The following EXOC6 variants were observed in gnomAD, a reference collection of about 807,000 sequenced individuals.
EXOC6 encodes exocyst complex component 6.
In EXOC6, 60 loss-of-function variants were observed where a neutral mutation model predicts 112.5. The ratio of observed to expected loss-of-function variants is 0.53; its 90% CI spans 0.43 to 0.66. The LOEUF is 0.66. EXOC6 is among the 30% of genes least tolerant of loss of function. EXOC6 has a pLI of 0.00. For synonymous variants in EXOC6, 295 were observed against 308.0 expected, an observed-to-expected ratio of 0.96 and a Z score of 0.44; for missense variants, 855 against 957.1, an observed-to-expected ratio of 0.89 and a Z score of 1.41.
chr10:92,975,621 G>GA (rs1842529464), intron 18 of EXOC6, among the ~76,000 whole-genome samples: 2 of 136,962 alleles, frequency 1.5e-5, no homozygotes, highest in Non-Finnish European at 1.6e-5. Flanking sequence ...AGGTTGGGGG[G>GA]TCAGCCCCCT....
upstream of EXOC6, among the ~76,000 whole-genome samples, chr10:92,834,019 C>G (rs529245016): frequency 3.3e-5 from 5 of 152,198 alleles, no homozygotes; most frequent in South Asian, 6.2e-4. Flanking sequence ...CAAACTCATT[C>G]ACAGTGAGGC....
chr10:92,952,168 G>T (rs971873481), intron 14 of EXOC6, 105 bp from the exon 15 acceptor site: 1 of 653,098 alleles, frequency 1.5e-6, no homozygotes, highest in African/African-American at 1.9e-5. Flanking sequence ...TTTGATGCAG[G>T]TATTTGCTAT....
intron 4 of EXOC6, among the ~76,000 whole-genome samples, chr10:92,896,051 ATATATGTG>A (rs1488589343): frequency 1.5e-4 from 7 of 47,420 alleles, no homozygotes; most frequent in Admixed American, 3.0e-4. Flanking sequence ...ATATGTGTAT[ATATATGTG>A]TATATATATG....
At chr10:92,852,711 G>A (rs1847410695) in intron 1 of EXOC6, among the ~76,000 whole-genome samples, 2 of 152,014 alleles carry the variant, frequency 1.3e-5, no homozygotes, top group Admixed American at 6.6e-5. Context: ...TGACAAAATC[G>A]AATATTAATT....
At chr10:92,865,776 G>A (rs1233621652) in intron 1 of EXOC6, among the ~76,000 whole-genome samples, 1 of 152,002 alleles carries the variant, frequency 6.6e-6, no homozygotes, top group Admixed American at 6.5e-5. Context: ...ACTGTTGACT[G>A]GAAGCCTTAC....
intron 20 of EXOC6, among the ~76,000 whole-genome samples, chr10:93,045,528 A>T (rs1016579390): frequency 6.6e-6 from 1 of 152,198 alleles, no homozygotes; most frequent in African/African-American, 2.4e-5. Context: ...GAGTATAGAC[A>T]TGTTGGCATA....
intron 18 of EXOC6, among the ~76,000 whole-genome samples, chr10:92,993,833 C>G (rs571199723): frequency 6.6e-6 from 1 of 152,242 alleles, no homozygotes; most frequent in South Asian, 2.1e-4. Context: ...GCATTAAAAG[C>G]CTTATTTCAC....
chr10:92,906,461 A>G (rs1850448198), intron 5 of EXOC6, among the ~76,000 whole-genome samples: 1 of 152,158 alleles, frequency 6.6e-6, no homozygotes, highest in Non-Finnish European at 1.5e-5. Context: ...CATAATTTGT[A>G]CTTTGTAGGC....
chr10:93,039,562 G>C (rs1034162920), intron 20 of EXOC6, among the ~76,000 whole-genome samples: 1 of 152,124 alleles, frequency 6.6e-6, no homozygotes, highest in African/African-American at 2.4e-5. Flanking sequence ...GAAAATCTCA[G>C]GGCAGCCTCC....
At chr10:92,883,232 A>G (rs944762735) in intron 1 of EXOC6, among the ~76,000 whole-genome samples, 3 of 152,246 alleles carry the variant, frequency 2.0e-5, no homozygotes, top group Non-Finnish European at 2.9e-5. Context: ...TCCAAATTCT[A>G]TATTTTGAAA....
intron 4 of EXOC6, among the ~76,000 whole-genome samples, chr10:92,896,171 ATATATATATATTTTT>A (rs1849791853): frequency 4.0e-5 from 1 of 25,222 alleles, no homozygotes; most frequent in Non-Finnish European, 6.2e-5. Context: ...ATATATATAT[ATATATATATATTTTT>A]TTTTTTTTTT....
At chr10:92,967,312 A>C (rs1842110672) in intron 17 of EXOC6, among the ~76,000 whole-genome samples, 1 of 152,014 alleles carries the variant, frequency 6.6e-6, no homozygotes, top group African/African-American at 2.4e-5. Flanking sequence ...TGGTTTTGTC[A>C]TCATTTAAAA....
intron 4 of EXOC6, among the ~76,000 whole-genome samples, chr10:92,896,085 A>G (rs71505712): frequency 0.013 from 469 of 35,456 alleles, 15 homozygotes; most frequent in African/African-American, 0.043. Context: ...ATATATGTGT[A>G]TATATATATG....
chr10:92,851,539 G>T (rs1346082380), intron 1 of EXOC6, among the ~76,000 whole-genome samples: 1 of 151,874 alleles, frequency 6.6e-6, no homozygotes, highest in Non-Finnish European at 1.5e-5. Context: ...AATCCCAGCT[G>T]CTCGAGAGGC....
intron 1 of EXOC6, among the ~76,000 whole-genome samples, chr10:92,882,352 T>G (rs1384124466): frequency 6.6e-6 from 1 of 152,056 alleles, no homozygotes; most frequent in African/African-American, 2.4e-5. Context: ...GAGACCAGCC[T>G]GGTCAACATG....
chr10:92,984,251 TTA>T (rs1222610169), intron 18 of EXOC6, among the ~76,000 whole-genome samples: 2 of 152,216 alleles, frequency 1.3e-5, no homozygotes, highest in African/African-American at 4.8e-5. Flanking sequence ...TTTAATGAAA[TTA>T]TACACATTTT....
chr10:92,830,822 A>G (rs1450348190), upstream of EXOC6, among the ~76,000 whole-genome samples: 1 of 152,190 alleles, frequency 6.6e-6, no homozygotes, highest in East Asian at 1.9e-4. Context: ...TTTGAGCTGC[A>G]GGTGGGAGGA....
At chr10:92,946,704 ACTT>A (rs1853032035) in intron 13 of EXOC6, among the ~76,000 whole-genome samples, 1 of 152,000 alleles carries the variant, frequency 6.6e-6, no homozygotes, top group South Asian at 2.1e-4. Context: ...ATACTGCACT[ACTT>A]GTGGTTTTAC....
At chr10:92,975,586 C>CG (rs1842522739) in intron 18 of EXOC6, among the ~76,000 whole-genome samples, 1 of 145,448 alleles carries the variant, frequency 6.9e-6, no homozygotes. Flanking sequence ...GCCCCCTGCC[C>CG]GGCCAGCCGC....
Sources: gnomAD v4.1 joint callset for allele counts (sites outside exome capture counted in the v4.1 genomes callset) on GRCh38, gnomAD v4.1.1 for gene constraint, MANE v1.5 for transcripts, NCBI Gene and HGNC (gene_info 2026-07-23, HGNC 2026-07-21) for gene names.